The following IPCEF1 variants were observed in gnomAD, a reference collection of about 807,000 sequenced individuals.
The protein encoded by IPCEF1 is interactor protein for cytohesin exchange factors 1.
In IPCEF1, 31 loss-of-function variants were observed where a neutral mutation model predicts 50.9. That is an observed-to-expected ratio of 0.61 (90% CI 0.46 to 0.82). The LOEUF is 0.82. Among genes scored for constraint, IPCEF1 ranks in the 40% least tolerant of loss-of-function variants. The probability of loss-of-function intolerance (pLI) is 0.00; values close to 1 mark genes in which losing one functional copy is unlikely to be tolerated. For synonymous variants in IPCEF1, 181 were observed against 192.0 expected (o/e 0.94, Z 0.47); for missense variants, 458 against 514.0 (o/e 0.89, Z 1.05).
intron 1 of IPCEF1, among the ~76,000 whole-genome samples, chr6:154,292,192 C>T (rs1429769950): frequency 6.6e-6 from 1 of 152,158 alleles, no homozygotes; most frequent in Non-Finnish European, 1.5e-5. Context: ...CTTTGCCTAA[C>T]ACCCCTCAAT....
intron 5 of IPCEF1, among the ~76,000 whole-genome samples, chr6:154,245,703 C>T (rs1780976802): frequency 6.6e-6 from 1 of 152,100 alleles, no homozygotes; most frequent in South Asian, 2.1e-4. Flanking sequence ...ACTAAAGGCC[C>T]TCCAGTGCTG....
At chr6:154,267,277 G>A (rs1160658120) in intron 2 of IPCEF1, among the ~76,000 whole-genome samples, 2 of 151,300 alleles carry the variant, frequency 1.3e-5, no homozygotes, top group African/African-American at 4.9e-5. Context: ...ACTAATAGAA[G>A]AACAAATAAA....
chr6:154,220,224 T>C (rs546669256), intron 7 of IPCEF1, among the ~76,000 whole-genome samples: 49 of 152,312 alleles, frequency 3.2e-4, no homozygotes, highest in African/African-American at 1.1e-3. Flanking sequence ...CAATGGGGCA[T>C]GTGGTAGGCG....
intron 10 of IPCEF1, among the ~76,000 whole-genome samples, chr6:154,189,377 A>G (rs1801663360): frequency 6.6e-6 from 1 of 152,226 alleles, no homozygotes; most frequent in African/African-American, 2.4e-5. Flanking sequence ...TTCCATTTCC[A>G]GGTGTATACC....
Position 154,156,718 on chromosome 6 carries a change from G to C in IPCEF1, c.*3110C>G, listed in dbSNP as rs556003187. 1 of 152,086 alleles carries C rather than the reference G, an allele frequency of 6.6e-6. No homozygotes were observed. The highest frequency in any genetic ancestry group is 1.5e-5 in the Non-Finnish European group (1 of 68,030). The allele number at this position is 152,086 out of a possible 1,614,324, so 9.4% of individuals were successfully genotyped here. ...GGCCTTTGATCCTATTCTGAGATTT[G>C]AGCTGTTGTGGCAAAACTAAGAATT... On this transcript the variant is annotated 3_prime_UTR_variant, in exon 12 of 12. Transcript: ENST00000367220.
chr6:154,246,455 T>C (rs1408980272), intron 5 of IPCEF1, 136 bp downstream of exon 5: 3 of 1,031,714 alleles, frequency 2.9e-6, no homozygotes, highest in Non-Finnish European at 4.2e-6. Context: ...CAGAAATGGC[T>C]TCTATAACTT....
chr6:154,260,986 C>G (rs1053134268), intron 3 of IPCEF1, among the ~76,000 whole-genome samples: 1 of 152,114 alleles, frequency 6.6e-6, no homozygotes, highest in Non-Finnish European at 1.5e-5. Context: ...AGTGCCAAAT[C>G]TAGTAACTAT....
At chr6:154,227,660 T>G (rs1164378676) in intron 5 of IPCEF1, among the ~76,000 whole-genome samples, 1 of 152,104 alleles carries the variant, frequency 6.6e-6, no homozygotes, top group Non-Finnish European at 1.5e-5. Context: ...GAGGCTGTCA[T>G]GGGTTGTGAT....
At chr6:154,208,514 C>G (rs1777692575) in intron 9 of IPCEF1, among the ~76,000 whole-genome samples, 1 of 152,190 alleles carries the variant, frequency 6.6e-6, no homozygotes. Flanking sequence ...TTTTTATTAA[C>G]AGTCTCCCTC....
intron 1 of IPCEF1, among the ~76,000 whole-genome samples, chr6:154,303,371 TG>T (rs1672294356): frequency 6.6e-6 from 1 of 152,206 alleles, no homozygotes; most frequent in African/African-American, 2.4e-5. Flanking sequence ...ATTACAGGCA[TG>T]AGCCACTGCA....
chr6:154,247,380 G>A lies in IPCEF1; in HGVS notation c.76+69C>T, dbSNP rs200526955. ...AGACAGAAATCTGATCCCAAGGAAG[G>A]CACCCCGGAGAAAAGCCACACTCAA... On this transcript the variant is annotated intron_variant, in intron 4 of 11. Coordinates refer to ENST00000367220, the MANE Select transcript of IPCEF1 (RefSeq NM_001130700.2). 25 of 1,233,628 alleles carry A rather than the reference G, an allele frequency of 2.0e-5. No individual in the cohort carries two copies. The Admixed American group carries it at 3.3e-4, about 16-fold the overall frequency. The allele number at this position is 1,233,628 out of a possible 1,614,324, so 76.4% of individuals were successfully genotyped here.
chr6:154,262,286 G>A (rs1781620533), intron 3 of IPCEF1, among the ~76,000 whole-genome samples: 1 of 152,220 alleles, frequency 6.6e-6, no homozygotes, highest in South Asian at 2.1e-4. Flanking sequence ...CAAGACCAAG[G>A]GAAACAGGTT....
rs560684685 is a variant in IPCEF1 at position 154,162,043 on chromosome 6, T to C, written c.1105-2003A>G. ...GAAATGGAAGCCATCAGAAGAGCAC[T>C]TCTCCCAAGTTCCTATTGCCCACGA... On this transcript the variant is annotated intron_variant, in intron 11 of 11. Transcript: ENST00000367220. 5.7e-4 allele frequency among the ~76,000 whole-genome samples: 87 copies of C among 152,308 alleles called. 1 individual carries two copies. Among genetic ancestry groups the C allele is most frequent in the African/African-American group, 2.0e-3 (83 of 41,558 alleles).
At chr6:154,214,896 G>A (rs7739555) in intron 7 of IPCEF1, among the ~76,000 whole-genome samples, 4,848 of 152,198 alleles carry the variant, frequency 0.032, 267 homozygotes, top group African/African-American at 0.11. Context: ...AAAATAGAAC[G>A]AGACAGAAAC....
chr6:154,266,116 G>T (rs867607820), intron 2 of IPCEF1, among the ~76,000 whole-genome samples, 152 bp from the exon 3 acceptor site: 19 of 152,144 alleles, frequency 1.2e-4, no homozygotes, highest in Admixed American at 1.2e-3. Flanking sequence ...GCCAGGCATG[G>T]TGGCTCATGC....
chr6:154,223,204 T>C lies in IPCEF1; in HGVS notation c.286A>G (p.Thr96Ala), dbSNP rs1386898241. 1.2e-6 allele frequency: 2 copies of C among 1,613,778 alleles called. No individual in the cohort carries two copies. Among genetic ancestry groups the C allele is most frequent in the Admixed American group, 3.3e-5 (2 of 60,020 alleles). The change falls in exon 6 of 12, where the codon ACT (threonine) becomes GCT (alanine). Residue 96 changes from threonine to alanine, a missense_variant. Transcript: ENST00000367220. ...ADGFVNLPDF[T>A]VERASECKKK... The stretch of plus-strand genomic sequence containing the variant: ...TTGCATTCAGATGCTCTTTCCACAG[T>C]GAAATCAGGCAGGTTGACAAATCCA...
intron 1 of IPCEF1, among the ~76,000 whole-genome samples, chr6:154,331,370 G>GGAAAGAAAGAAA (rs1554225596): frequency 0.035 from 3,961 of 111,888 alleles, 107 homozygotes; most frequent in Non-Finnish European, 0.043. Flanking sequence ...AAGAAAGAAA[G>GGAAAGAAAGAAA]GAAAGAAAGA....
intron 5 of IPCEF1, among the ~76,000 whole-genome samples, chr6:154,228,814 G>A (rs1779474874): frequency 6.6e-6 from 1 of 152,212 alleles, no homozygotes; most frequent in African/African-American, 2.4e-5. Context: ...CTTGAGGCCA[G>A]ACGTTCAAGG....
rs143305884 is a variant in IPCEF1, at chr6:154,355,312, G to C, written c.-62+1360C>G. Among the ~76,000 whole-genome samples the C allele has an allele frequency of 1.7e-3, 265 of 152,186 alleles. 2 individuals are homozygous for C. Among genetic ancestry groups the C allele is most frequent in the African/African-American group, 6.0e-3 (251 of 41,506 alleles). ...GCTTGCCTGAAATAGTTCATACATG[G>C]ACCCACTCCAGAAAAGACACTTGAT... On this transcript the variant is annotated intron_variant, in intron 1 of 11. Coordinates refer to ENST00000367220, the MANE Select transcript of IPCEF1 (RefSeq NM_001130700.2).
Sources: allele counts gnomAD v4.1 joint callset (sites outside exome capture counted in the v4.1 genomes callset), GRCh38; gene constraint gnomAD v4.1.1; transcripts MANE v1.5; gene names NCBI Gene and HGNC (gene_info 2026-07-23, HGNC 2026-07-21).